FMN1: variants seen among roughly 807,000 people sequenced by gnomAD.
FMN1 encodes formin 1, also known as formin-1.
Under a neutral mutation model 132.4 loss-of-function variants are expected in FMN1, and 110 were observed. The ratio of observed to expected loss-of-function variants is 0.83; its 90% CI spans 0.71 to 0.97. The LOEUF (loss-of-function observed/expected upper bound fraction) is 0.97. Among genes scored for constraint, FMN1 ranks in the 50% least tolerant of loss-of-function variants. FMN1 has a pLI of 0.00. For synonymous variants in FMN1, 722 were observed against 651.7 expected, an observed-to-expected ratio of 1.11 and a Z score of -1.64; for missense variants, 1,792 against 1,705.3, an observed-to-expected ratio of 1.05 and a Z score of -0.90.
At chr15:33,040,989 GTTGA>G (rs904608490) in intron 6 of FMN1, among the ~76,000 whole-genome samples, 3 of 152,082 alleles carry the variant, frequency 2.0e-5, no homozygotes, top group African/African-American at 7.2e-5. Context: ...AATTCAAAAG[GTTGA>G]TTATTTTGGG....
chr15:32,981,472 C>T lies in FMN1; in HGVS notation c.2224-11995G>A, dbSNP rs182430425. Among the ~76,000 whole-genome samples the T allele has an allele frequency of 7.1e-3, 1,063 of 150,394 alleles. 11 individuals carry two copies. The highest frequency in any genetic ancestry group is 0.024 in the African/African-American group (1,005 of 41,072). Reference sequence around the variant, plus strand: ...GGCGGAGCCTGCAGTGAGCCGAGATCGCGCCACTGCACTCCAGCCTGGGCA... The same window carrying T: ...GGCGGAGCCTGCAGTGAGCCGAGATTGCGCCACTGCACTCCAGCCTGGGCA... On this transcript the variant is annotated intron_variant, in intron 7 of 20. Coordinates refer to ENST00000616417, the MANE Select transcript of FMN1 (RefSeq NM_001277313.2).
chr15:32,927,530 A>AT (rs967726280), intron 9 of FMN1, among the ~76,000 whole-genome samples: 1 of 152,154 alleles, frequency 6.6e-6, no homozygotes, highest in African/African-American at 2.4e-5. Context: ...AATTATTGGG[A>AT]TTATAGGTGT....
At chr15:33,116,231 G>C (rs974546337) in intron 4 of FMN1, among the ~76,000 whole-genome samples, 1 of 151,388 alleles carries the variant, frequency 6.6e-6, no homozygotes, top group Non-Finnish European at 1.5e-5. Flanking sequence ...ACCTAGTCTA[G>C]GAAGCATAAT....
chr15:33,049,920 C>CG (rs1425850586), intron 6 of FMN1, among the ~76,000 whole-genome samples: 3 of 152,204 alleles, frequency 2.0e-5, no homozygotes, highest in Non-Finnish European at 4.4e-5. Context: ...GCTCAATTCA[C>CG]GAATTGTTTA....
At position 32,945,214 on chromosome 15, in the gene FMN1, G is replaced by T. The variant is rs117137376; in HGVS notation, c.3138+18893C>A. Reference sequence around the variant, plus strand: ...GTTACTGATCATTGGCACTTAGCACGGTGCCAATACATAGATATATGTATG... The same window carrying T: ...GTTACTGATCATTGGCACTTAGCACTGTGCCAATACATAGATATATGTATG... On this transcript the variant is annotated intron_variant, in intron 9 of 20. Transcript: ENST00000616417. Among the ~76,000 whole-genome samples, 1,306 of 152,164 alleles carry T rather than the reference G, an allele frequency of 8.6e-3. 31 individuals are homozygous for T. Among genetic ancestry groups the T allele is most frequent in the Admixed American group, 0.057 (878 of 15,282 alleles).
chr15:32,859,591 ATATC>A (rs1048378818), intron 16 of FMN1, among the ~76,000 whole-genome samples: 39 of 152,338 alleles, frequency 2.6e-4, no homozygotes, highest in South Asian at 2.1e-4. Flanking sequence ...TCTTTCAAAC[ATATC>A]TATCACCGTC....
chr15:33,137,731 G>C (rs934428722), intron 4 of FMN1, among the ~76,000 whole-genome samples: 2 of 152,128 alleles, frequency 1.3e-5, no homozygotes, highest in African/African-American at 4.8e-5. Context: ...ACAGACATCA[G>C]AGCTAAGAGG....
intron 16 of FMN1, among the ~76,000 whole-genome samples, chr15:32,879,533 G>A (rs1262517338): frequency 1.3e-5 from 2 of 152,170 alleles, no homozygotes; most frequent in Admixed American, 1.3e-4. Flanking sequence ...ATTGAGTAAA[G>A]TGCAGACTGC....
At chr15:33,034,372 T>C (rs531742246) in intron 6 of FMN1, among the ~76,000 whole-genome samples, 5 of 152,110 alleles carry the variant, frequency 3.3e-5, no homozygotes, top group African/African-American at 1.2e-4. Flanking sequence ...CCTAGGAGTT[T>C]GAGACCAGCC....
chr15:33,172,222 A>AAG (rs1555412032), intron 3 of FMN1, among the ~76,000 whole-genome samples: 3,272 of 151,454 alleles, frequency 0.022, 129 homozygotes, highest in African/African-American at 0.075. Flanking sequence ...AAAAAAAAAG[A>AAG]AAAGAAAGAA....
rs904042062 is a variant in FMN1 at position 33,153,839 on chromosome 15, G to C, written c.1076C>G (p.Ala359Gly). 1 of 1,536,576 alleles carries C rather than the reference G, an allele frequency of 6.5e-7. No homozygotes were observed. ...TTTGGGTACAAACTCAGCGTGGGCT[G>C]CTGGGCGAATGGCAATCGTCTCCTT... ...KGKETIAIRPAAHAEFVPKAD... is the reference protein window; with the variant it reads ...KGKETIAIRPGAHAEFVPKAD... The change falls in exon 4 of 21, where the codon GCA (alanine) becomes GGA (glycine). Residue 359 changes from alanine to glycine, a missense_variant. By Grantham distance (60) the Ala-to-Gly change is moderately conservative (BLOSUM62 0). Transcript: ENST00000616417.
rs927187803 is a variant in FMN1, at chr15:33,150,427, G to T, written c.1867+2621C>A. ...AAGAAAAACCTGACTACCAGTTCTT[G>T]TTAGTATATTCTCTATTTTATCACC... On this transcript the variant is annotated intron_variant, in intron 4 of 20. Coordinates refer to ENST00000616417, the MANE Select transcript of FMN1 (RefSeq NM_001277313.2). 8 of 985,326 alleles carry T rather than the reference G, an allele frequency of 8.1e-6. No homozygotes were observed. The African/African-American group carries it at 1.4e-4, about 17-fold the overall frequency. 61.0% of individuals were successfully genotyped at this position (985,326 alleles called of 1,614,324 possible).
chr15:32,775,423 C>T (rs979104261), intron 20 of FMN1, among the ~76,000 whole-genome samples: 5 of 152,128 alleles, frequency 3.3e-5, no homozygotes, highest in African/African-American at 1.2e-4. Context: ...GTCTATATGG[C>T]TGACCCCATT....
intron 6 of FMN1, among the ~76,000 whole-genome samples, chr15:33,056,951 C>T (rs1230456162): frequency 2.6e-5 from 4 of 152,046 alleles, no homozygotes; most frequent in South Asian, 2.1e-4. Flanking sequence ...CTGAGGCAGG[C>T]GATCACTGGA....
rs528578055 is a variant in FMN1, at chr15:32,997,067, T to C, written c.2223+10947A>G. 2.0e-5 allele frequency among the ~76,000 whole-genome samples: 3 copies of C among 152,328 alleles called. No individual in the cohort carries two copies. The South Asian group carries it at 6.2e-4, about 32-fold the overall frequency. ...ATTTACAATCTTGGAAATTAACTTC[T>C]ATGAGATTCAGGTTTCAAATCTCTA... On this transcript the variant is annotated intron_variant, in intron 7 of 20. Coordinates refer to ENST00000616417, the MANE Select transcript of FMN1 (RefSeq NM_001277313.2).
chr15:33,132,804 C>T (rs1018560463), intron 4 of FMN1, among the ~76,000 whole-genome samples: 2 of 152,152 alleles, frequency 1.3e-5, no homozygotes, highest in Non-Finnish European at 2.9e-5. Context: ...TAGCTCCTCC[C>T]ATGCACATGC....
intron 4 of FMN1, among the ~76,000 whole-genome samples, chr15:33,099,348 T>A (rs1257035300): frequency 6.6e-6 from 1 of 152,220 alleles, no homozygotes; most frequent in Non-Finnish European, 1.5e-5. Flanking sequence ...GGACTCTGAC[T>A]GACACAATAA....
At chr15:33,009,148 G>A (rs544442224) in intron 6 of FMN1, among the ~76,000 whole-genome samples, 1 of 152,160 alleles carries the variant, frequency 6.6e-6, no homozygotes, top group Non-Finnish European at 1.5e-5. Flanking sequence ...CCATCAGAAA[G>A]TTCTGTGGGT....
chr15:32,993,057 G>C (rs971173186), intron 7 of FMN1, among the ~76,000 whole-genome samples: 1 of 152,196 alleles, frequency 6.6e-6, no homozygotes, highest in Non-Finnish European at 1.5e-5. Context: ...CCATGTAAGG[G>C]ATGCTTCATT....
Sources: allele counts gnomAD v4.1 joint callset (sites outside exome capture counted in the v4.1 genomes callset), GRCh38; gene constraint gnomAD v4.1.1; transcripts MANE v1.5; gene names NCBI Gene and HGNC (gene_info 2026-07-23, HGNC 2026-07-21).